SMARCAD1: variants seen among roughly 807,000 people sequenced by gnomAD.
SMARCAD1 encodes SNF2 related chromatin remodeling ATPase with DExD box 1.
SMARCAD1 carries 25 observed loss-of-function variants against 127.1 expected under a neutral mutation model. The observed-to-expected ratio is 0.20, with a 90% CI of 0.14 to 0.27. The LOEUF (loss-of-function observed/expected upper bound fraction) is 0.27, where lower values mean the gene tolerates loss of function less well. SMARCAD1 is among the 10% of genes least tolerant of loss of function. The pLI is 1.00. For missense variants in SMARCAD1, 807 were observed against 1,206.0 expected (o/e 0.67, Z 4.90); for synonymous variants, 400 against 396.9 (o/e 1.01, Z -0.09).
At chr4:94,252,331 T>A (rs1160578297) in intron 8 of SMARCAD1, among the ~76,000 whole-genome samples, 1 of 152,178 alleles carries the variant, frequency 6.6e-6, no homozygotes, top group Non-Finnish European at 1.5e-5. Context: ...ATCTGAGACA[T>A]CATACAGATA....
intron 14 of SMARCAD1, among the ~76,000 whole-genome samples, chr4:94,275,796 C>CTTTTATTTTATTTTA (rs1553920714): frequency 1.2e-5 from 1 of 85,412 alleles, no homozygotes; most frequent in African/African-American, 3.7e-5. Flanking sequence ...TTAACATTTT[C>CTTTTATTTTATTTTA]TTTTTTTTTT....
chr4:94,231,609 C>A (rs773886250), intron 3 of SMARCAD1, among the ~76,000 whole-genome samples: 2 of 152,052 alleles, frequency 1.3e-5, no homozygotes, highest in Non-Finnish European at 2.9e-5. Context: ...TTTTAAATTA[C>A]GGACATCCCA....
chr4:94,244,801 A>G (rs894019020), intron 6 of SMARCAD1, among the ~76,000 whole-genome samples: 4 of 152,120 alleles, frequency 2.6e-5, no homozygotes, highest in Middle Eastern at 3.2e-3. Context: ...CAGTGTATCA[A>G]GCTCTCTCTC....
At chr4:94,278,282 G>A in intron 16 of SMARCAD1, 140 bp from the exon 17 acceptor site, 1 of 730,008 alleles carries the variant, frequency 1.4e-6, no homozygotes, top group Non-Finnish European at 2.4e-6. Flanking sequence ...CAGATGTGAA[G>A]TGCCATCTAG....
intron 4 of SMARCAD1, among the ~76,000 whole-genome samples, chr4:94,236,527 T>C (rs1560527513): frequency 6.6e-6 from 1 of 151,852 alleles, no homozygotes; most frequent in Non-Finnish European, 1.5e-5. Flanking sequence ...AAAAAGTAAA[T>C]AGATGTCTGT....
chr4:94,283,450 AACATCAACT>A, intron 22 of SMARCAD1, 147 bp downstream of exon 22: 1 of 715,900 alleles, frequency 1.4e-6, no homozygotes, highest in African/African-American at 1.7e-5. Flanking sequence ...AGCAGTGTTG[AACATCAACT>A]GCACTACGTA....
chr4:94,259,345 G>A (rs1750606410), intron 9 of SMARCAD1, among the ~76,000 whole-genome samples: 1 of 152,150 alleles, frequency 6.6e-6, no homozygotes, highest in South Asian at 2.1e-4. Flanking sequence ...TGTCACAGCA[G>A]AATCTAATCA....
At chr4:94,231,226 T>G (rs1745796313) in intron 3 of SMARCAD1, among the ~76,000 whole-genome samples, 1 of 152,176 alleles carries the variant, frequency 6.6e-6, no homozygotes, top group Non-Finnish European at 1.5e-5. Context: ...GCACATGGAA[T>G]TAATTGAATT....
intron 9 of SMARCAD1, among the ~76,000 whole-genome samples, chr4:94,256,821 T>G (rs1750165554): frequency 7.4e-6 from 1 of 135,878 alleles, no homozygotes; most frequent in South Asian, 2.8e-4. Flanking sequence ...TTGTGTAAGT[T>G]TGATAAGTTT....
At chr4:94,253,236 C>G (rs1749544234) in intron 9 of SMARCAD1, 1 of 1,497,260 alleles carries the variant, frequency 6.7e-7, no homozygotes. Flanking sequence ...AGCTGATTGG[C>G]TGGGAATACT....
chr4:94,280,467 C>G, intron 19 of SMARCAD1, 125 bp from the exon 20 acceptor site: 1 of 823,276 alleles, frequency 1.2e-6, no homozygotes, highest in South Asian at 1.7e-5. Context: ...CTTGATAAGT[C>G]TGTTACACTA....
At chr4:94,211,751 G>A (rs1166440650) in intron 2 of SMARCAD1, among the ~76,000 whole-genome samples, 1 of 151,988 alleles carries the variant, frequency 6.6e-6, no homozygotes, top group East Asian at 1.9e-4. Flanking sequence ...CTTCCAATTT[G>A]CTTTTTTGCC....
chr4:94,210,559 G>A (rs928138382), intron 2 of SMARCAD1, among the ~76,000 whole-genome samples: 20 of 152,194 alleles, frequency 1.3e-4, no homozygotes, highest in African/African-American at 4.6e-4. Flanking sequence ...CTTAATGATA[G>A]CGGTAGAAAT....
At chr4:94,271,879 A>G (rs1408664683) in intron 11 of SMARCAD1, among the ~76,000 whole-genome samples, 1 of 152,226 alleles carries the variant, frequency 6.6e-6, no homozygotes, top group Non-Finnish European at 1.5e-5. Context: ...CAAATGAGGT[A>G]TATATTATGT....
At chr4:94,236,818 TAATG>T (rs1308996403) in intron 4 of SMARCAD1, 130 bp from the exon 5 acceptor site, 2 of 729,384 alleles carry the variant, frequency 2.7e-6, no homozygotes, top group African/African-American at 3.5e-5. Flanking sequence ...TCATAGGACT[TAATG>T]AACTTAAACT....
chr4:94,262,156 T>C (rs1426374574), intron 9 of SMARCAD1, among the ~76,000 whole-genome samples: 1 of 152,182 alleles, frequency 6.6e-6, no homozygotes, highest in Non-Finnish European at 1.5e-5. Flanking sequence ...TTCTCCAGCT[T>C]ACATCTCTTC....
At chr4:94,229,677 T>C (rs1027787116) in intron 3 of SMARCAD1, among the ~76,000 whole-genome samples, 4 of 152,154 alleles carry the variant, frequency 2.6e-5, no homozygotes, top group Non-Finnish European at 5.9e-5. Context: ...CTGTGTTCTT[T>C]CTTTGCTGCT....
chr4:94,259,843 A>G (rs1047414890), intron 9 of SMARCAD1, among the ~76,000 whole-genome samples: 4 of 152,230 alleles, frequency 2.6e-5, no homozygotes, highest in Admixed American at 2.6e-4. Context: ...TAACATTCTT[A>G]TATCTAATAA....
chr4:94,245,354 A>G (rs528948872), intron 6 of SMARCAD1, among the ~76,000 whole-genome samples: 1 of 152,206 alleles, frequency 6.6e-6, no homozygotes, highest in Non-Finnish European at 1.5e-5. Context: ...AAATGATCAG[A>G]TGTTTTAAAT....
Sources: gnomAD v4.1 joint callset for allele counts (sites outside exome capture counted in the v4.1 genomes callset) on GRCh38, gnomAD v4.1.1 for gene constraint, MANE v1.5 for transcripts, NCBI Gene and HGNC (gene_info 2026-07-23, HGNC 2026-07-21) for gene names.